The following KLHL33 variants were observed in gnomAD, a reference collection of about 807,000 sequenced individuals.
KLHL33 encodes kelch like family member 33, also known as kelch-like protein 33.
In KLHL33, 46 loss-of-function variants were observed where a neutral mutation model predicts 60.8. The observed-to-expected ratio is 0.76, with a 90% CI of 0.60 to 0.97. The LOEUF is 0.97. Among genes scored for constraint, KLHL33 ranks in the 50% least tolerant of loss-of-function variants. KLHL33 has a pLI of 0.00. For synonymous variants in KLHL33, 434 were observed against 432.2 expected (o/e 1.00, Z -0.05); for missense variants, 1,055 against 1,000.0 (o/e 1.05, Z -0.74).
chr14:20,434,655 A>G (rs1273161662), intron 2 of KLHL33, among the ~76,000 whole-genome samples: 1 of 152,188 alleles, frequency 6.6e-6, no homozygotes, highest in African/African-American at 2.4e-5. Context: ...AGGTGAAAGC[A>G]CACATTGAGT....
In KLHL33 at chr14:20,435,325, C is replaced by A; in HGVS notation, c.487G>T (p.Ala163Ser). 1 of 1,234,348 alleles carries A rather than the reference C, an allele frequency of 8.1e-7. No homozygotes were observed. The highest frequency in any genetic ancestry group is 1.0e-6 in the Non-Finnish European group (1 of 988,132). 76.5% of individuals were successfully genotyped at this position (1,234,348 alleles called of 1,614,324 possible). A position where few individuals can be genotyped will look rare whatever the true frequency, so the allele number is the denominator to read the frequency against. The part of the protein sequence containing the change: ...SLEVSPGGWE[A>S]VLTFAYEGVL... ...CCCTCATAGGCAAAGGTCAGCACGG[C>A]CTCCCAGCCCCCTGGGGACACCTCG... Residue 163 changes from alanine to serine, a missense_variant, in exon 2 of 5, where the codon GCC becomes TCC. Ala to Ser is a moderately conservative substitution (Grantham distance 99). Transcript: ENST00000636854.
rs1055053271 is a variant in KLHL33 at position 20,435,416 on chromosome 14, G to A, written c.396C>T (p.Ala132=). ...RVYGVHRVIL[A]AISSLFRDRL... ...TGTCTCGGAAGAGGCTGCTGATTGCGGCCAGGATCACCCGATGCACCCCGT... is the reference window on the plus strand; with the variant it reads ...TGTCTCGGAAGAGGCTGCTGATTGCAGCCAGGATCACCCGATGCACCCCGT... The change falls in exon 2 of 5, where the codon GCC becomes GCT. Residue 132 remains alanine (A), a synonymous_variant. Coordinates refer to ENST00000636854, the MANE Select transcript of KLHL33 (RefSeq NM_001365790.2). 70 of 1,234,256 alleles carry A rather than the reference G, an allele frequency of 5.7e-5. No individual in the cohort carries two copies. The African/African-American group carries it at 9.8e-4, about 17-fold the overall frequency. 76.5% of individuals were successfully genotyped at this position (1,234,256 alleles called of 1,614,324 possible). A position where few individuals can be genotyped will look rare whatever the true frequency, so the allele number is the denominator to read the frequency against.
At position 20,427,070 on chromosome 14, in the gene KLHL33, T is replaced by G. The variant is rs1880305406; in HGVS notation, c.*1779A>C. On this transcript the variant is annotated 3_prime_UTR_variant, in exon 5 of 5. Transcript: ENST00000636854. ...AGGGGGGAAGGATAGCATTAGGAGA[T>G]ATACCTAATGCTAAATGACGAGTTA... 1 of 146,624 alleles carries G rather than the reference T, an allele frequency of 6.8e-6. No homozygotes were observed. Among genetic ancestry groups the G allele is most frequent in the Non-Finnish European group, 1.5e-5 (1 of 66,510 alleles). The allele number at this position is 146,624 out of a possible 1,614,324, so 9.1% of individuals were successfully genotyped here. A position where few individuals can be genotyped will look rare whatever the true frequency, so the allele number is the denominator to read the frequency against.
rs543487064 is a variant in KLHL33 at position 20,428,015 on chromosome 14, C to T, written c.*834G>A. ...CCTCAGGCAACAACGGTCTCATTTTCACTCCTGATTCCTCAGTTTGCCCAA... is the reference window on the plus strand; with the variant it reads ...CCTCAGGCAACAACGGTCTCATTTTTACTCCTGATTCCTCAGTTTGCCCAA... On this transcript the variant is annotated 3_prime_UTR_variant, in exon 5 of 5. Transcript: ENST00000636854. 6.6e-6 allele frequency: 1 copy of T among 152,446 alleles called. No individual in the cohort carries two copies. The highest frequency in any genetic ancestry group is 2.1e-4 in the South Asian group (1 of 4,832). 9.4% of individuals were successfully genotyped at this position (152,446 alleles called of 1,614,324 possible).
In KLHL33 at chr14:20,429,616, C is replaced by A; in HGVS notation, c.1727G>T (p.Arg576Leu). The stretch of plus-strand genomic sequence containing the variant: ...CAGTGCCACCAAGGAGAAAAGGCTT[C>A]GAGCCTGGGACAAAGGAGCCATCTC... Reference protein sequence around the residue: ...WEEMAPLSQARSLFSLVALDG... With the variant: ...WEEMAPLSQALSLFSLVALDG... Residue 576 changes from arginine to leucine, a missense_variant, in exon 4 of 5, where the codon CGA becomes CTA. By Grantham distance (102) the Arg-to-Leu change is moderately radical (BLOSUM62 -2). Transcript: ENST00000636854. 6.4e-7 allele frequency: 1 copy of A among 1,551,826 alleles called. No individual in the cohort carries two copies. The highest frequency in any genetic ancestry group is 1.2e-5 in the South Asian group (1 of 84,048).
In KLHL33 at chr14:20,430,140, C is replaced by T. The variant is rs1880452683; in HGVS notation, c.1328G>A (p.Gly443Glu). Reference sequence around the variant, plus strand: ...ATCTGGGGTCAGGGGTGGAAGTAGCCCGGCTGCCCGCACCCTCCGCAACTC... The same window carrying T: ...ATCTGGGGTCAGGGGTGGAAGTAGCTCGGCTGCCCGCACCCTCCGCAACTC... ...TRELRRVRAAGLLPPLTPDLL... is the reference protein window; with the variant it reads ...TRELRRVRAAELLPPLTPDLL... Residue 443 changes from glycine to glutamate, a missense_variant, in exon 3 of 5, where the codon GGG becomes GAG. By Grantham distance (98) the Gly-to-Glu change is moderately conservative (BLOSUM62 -2). Transcript: ENST00000636854. 1 of 1,551,558 alleles carries T rather than the reference C, an allele frequency of 6.4e-7. No homozygotes were observed.
At chr14:20,432,225 G>A (rs1292381057) in intron 2 of KLHL33, among the ~76,000 whole-genome samples, 4 of 151,552 alleles carry the variant, frequency 2.6e-5, no homozygotes, top group South Asian at 2.1e-4. Flanking sequence ...TGTGATTCTC[G>A]TGCCTCAGCT....
chr14:20,432,926 A>AAAGAAAGAAAGAAAGAAAGAAAGAAAG (rs1555330501), intron 2 of KLHL33, among the ~76,000 whole-genome samples: 13 of 104,744 alleles, frequency 1.2e-4, no homozygotes, highest in Non-Finnish European at 2.0e-4. Context: ...CATCTCAAAA[A>AAAGAAAGAAAGAAAGAAAGAAAGAAAG]AAAGAAAGAA....
chr14:20,429,595 G>T lies in KLHL33; in HGVS notation c.1748C>A (p.Ala583Glu). Reference protein sequence around the residue: ...SQARSLFSLVALDGKLYALGG... With the variant: ...SQARSLFSLVELDGKLYALGG... ...CAGGGCATAAAGTTTTCCATCCAGT[G>T]CCACCAAGGAGAAAAGGCTTCGAGC... Residue 583 changes from alanine (A) to glutamate (E), a missense_variant, in exon 4 of 5, where the codon GCA (alanine) becomes GAA (glutamate). Ala to Glu is a moderately radical substitution (Grantham distance 107). Coordinates refer to ENST00000636854, the MANE Select transcript of KLHL33 (RefSeq NM_001365790.2). 6.4e-7 allele frequency: 1 copy of T among 1,552,038 alleles called. No homozygotes were observed. The highest frequency in any genetic ancestry group is 8.7e-7 in the Non-Finnish European group (1 of 1,147,054).
intron 2 of KLHL33, among the ~76,000 whole-genome samples, chr14:20,431,087 G>A (rs1880498218): frequency 6.6e-6 from 1 of 152,232 alleles, no homozygotes; most frequent in South Asian, 2.1e-4. Flanking sequence ...ATCAGGTTGA[G>A]AGGAAAGCAT....
Position 20,436,165 on chromosome 14 carries a change from G to A in KLHL33, c.-86C>T. On this transcript the variant is annotated 5_prime_UTR_variant, in exon 1 of 5. Transcript: ENST00000636854. The stretch of plus-strand genomic sequence containing the variant: ...CGCCCGCTGTGCTTGGGGCTGCGTG[G>A]CAGAGGGAACTTGCCCACATGGCAT... 5.7e-6 allele frequency: 1 copy of A among 174,326 alleles called. No homozygotes were observed. The highest frequency in any genetic ancestry group is 1.2e-5 in the Non-Finnish European group (1 of 83,166). The allele number at this position is 174,326 out of a possible 1,614,324, so 10.8% of individuals were successfully genotyped here.
In KLHL33 at chr14:20,430,584, G is replaced by A. The variant is rs1880478169; in HGVS notation, c.884C>T (p.Ala295Val). Residue 295 changes from alanine (A) to valine (V), a missense_variant, in exon 3 of 5, where the codon GCT becomes GTT. Coordinates refer to ENST00000636854, the MANE Select transcript of KLHL33 (RefSeq NM_001365790.2). ...TQDLRLLVSF[A>V]YSGVVRARWP... ...CCTTGCCCGCACAACTCCGGAGTAAGCAAAAGAGACGAGGAGTCGCAGGTC... is the reference window on the plus strand; with the variant it reads ...CCTTGCCCGCACAACTCCGGAGTAAACAAAAGAGACGAGGAGTCGCAGGTC... 2 of 1,537,980 alleles carry A rather than the reference G, an allele frequency of 1.3e-6. No individual in the cohort carries two copies. The highest frequency in any genetic ancestry group is 2.7e-5 in the African/African-American group (2 of 73,042).
At position 20,429,090 on chromosome 14, in the gene KLHL33, G is replaced by A. The variant is rs996931583; in HGVS notation, c.2153C>T (p.Pro718Leu). 1 of 1,551,722 alleles carries A rather than the reference G, an allele frequency of 6.4e-7. No homozygotes were observed. The highest frequency in any genetic ancestry group is 1.2e-5 in the South Asian group (1 of 84,068). The change falls in exon 5 of 5, where the codon CCC becomes CTC. Residue 718 changes from proline (P) to leucine (L), a missense_variant. Physicochemically the swap from Pro to Leu is moderately conservative, Grantham distance 98 (BLOSUM62 -3). Transcript: ENST00000636854. The part of the protein sequence containing the change: ...SWTHLAPLPS[P>L]HVGAASAVLQ... The stretch of plus-strand genomic sequence containing the variant: ...CACAGCACTTGCAGCCCCCACATGG[G>A]GGGAGGGTAGGGGTGCCAGGTGAGT...
chr14:20,435,404 G>T lies in KLHL33; in HGVS notation c.408C>A (p.Ser136Arg). 2 of 1,234,356 alleles carry T rather than the reference G, an allele frequency of 1.6e-6. No individual in the cohort carries two copies. The highest frequency in any genetic ancestry group is 2.0e-6 in the Non-Finnish European group (2 of 988,164). 76.5% of individuals were successfully genotyped at this position (1,234,356 alleles called of 1,614,324 possible). Residue 136 changes from serine to arginine, a missense_variant, in exon 2 of 5, where the codon AGC (serine) becomes AGA (arginine). Ser to Arg is a moderately radical substitution (Grantham distance 110). Coordinates refer to ENST00000636854, the MANE Select transcript of KLHL33 (RefSeq NM_001365790.2). Reference sequence around the variant, plus strand: ...CGCCCAGCAGCCTGTCTCGGAAGAGGCTGCTGATTGCGGCCAGGATCACCC... The same window carrying T: ...CGCCCAGCAGCCTGTCTCGGAAGAGTCTGCTGATTGCGGCCAGGATCACCC... ...VHRVILAAISSLFRDRLLGGG... is the reference protein window; with the variant it reads ...VHRVILAAISRLFRDRLLGGG...
Position 20,430,435 on chromosome 14 carries a change from T to C in KLHL33, c.1033A>G (p.Met345Val). The C allele has an allele frequency of 6.4e-7, 1 of 1,551,694 alleles. No individual in the cohort carries two copies. The highest frequency in any genetic ancestry group is 8.7e-7 in the Non-Finnish European group (1 of 1,147,014). The change falls in exon 3 of 5, where the codon ATG becomes GTG. Residue 345 changes from methionine (M) to valine (V), a missense_variant. By Grantham distance (21) the Met-to-Val change is conservative. Coordinates refer to ENST00000636854, the MANE Select transcript of KLHL33 (RefSeq NM_001365790.2). Reference protein sequence around the residue: ...SPARCLALFPMAEAPGLERLW... With the variant: ...SPARCLALFPVAEAPGLERLW... Reference sequence around the variant, plus strand: ...CTCTCCAACCCAGGGGCTTCCGCCATGGGGAACAGGGCCAGGCAACGGGCA... The same window carrying C: ...CTCTCCAACCCAGGGGCTTCCGCCACGGGGAACAGGGCCAGGCAACGGGCA...
intron 2 of KLHL33, among the ~76,000 whole-genome samples, chr14:20,431,419 A>G (rs1880506450): frequency 6.6e-6 from 1 of 152,222 alleles, no homozygotes; most frequent in Admixed American, 6.5e-5. Flanking sequence ...ATCTAATTCA[A>G]TTATTCCCTT....
In KLHL33 at chr14:20,426,820, G is replaced by A. The variant is rs889513106; in HGVS notation, c.*2029C>T. On this transcript the variant is annotated 3_prime_UTR_variant, in exon 5 of 5. Coordinates refer to ENST00000636854, the MANE Select transcript of KLHL33 (RefSeq NM_001365790.2). ...ATGATAGACCGGATTAAGAAAATGT[G>A]GCACATATACACCATGGAATACTAT... The A allele has an allele frequency of 2.6e-5, 4 of 151,938 alleles. No individual in the cohort carries two copies. The highest frequency in any genetic ancestry group is 9.7e-5 in the African/African-American group (4 of 41,330). The allele number at this position is 151,938 out of a possible 1,614,324, so 9.4% of individuals were successfully genotyped here.
chr14:20,429,479 C>A (rs1272320179), intron 4 of KLHL33, 23 bp downstream of exon 4: 2 of 1,551,630 alleles, frequency 1.3e-6, no homozygotes, highest in East Asian at 4.9e-5. Flanking sequence ...TAATCTCTCC[C>A]AGATGCCCCC....
chr14:20,431,455 C>G (rs947280232), intron 2 of KLHL33, among the ~76,000 whole-genome samples: 1 of 152,010 alleles, frequency 6.6e-6, no homozygotes, highest in Admixed American at 6.6e-5. Context: ...GGTTGGGTGT[C>G]GTGGCACACA....
Sources: allele counts gnomAD v4.1 joint callset (sites outside exome capture counted in the v4.1 genomes callset), GRCh38; gene constraint gnomAD v4.1.1; transcripts MANE v1.5; gene names NCBI Gene and HGNC (gene_info 2026-07-23, HGNC 2026-07-21).